Variants in EFCAB9 observed in about 807,000 individuals in gnomAD.
EFCAB9 encodes EF-hand calcium-binding domain-containing protein 9.
In EFCAB9, 16 loss-of-function variants were observed where a neutral mutation model predicts 15.6. The observed-to-expected ratio is 1.03, with a 90% confidence interval of 0.69 to 1.56. The LOEUF is 1.56. EFCAB9 is among the 40% of genes most tolerant of loss of function. EFCAB9 has a pLI of 0.00. For synonymous variants in EFCAB9, 76 were observed against 85.4 expected (o/e 0.89, Z 0.61); for missense variants, 208 against 235.4 (o/e 0.88, Z 0.76).
intron 3 of EFCAB9, among the ~76,000 whole-genome samples, chr5:172,202,376 G>A (rs990783310): frequency 8.6e-5 from 12 of 138,858 alleles, no homozygotes; most frequent in Admixed American, 5.8e-4. Flanking sequence ...GGCAAAAGCC[G>A]CAATTACTTT....
intron 2 of EFCAB9, 42 bp from the exon 3 acceptor site, chr5:172,200,524 C>T (rs796168373): frequency 1.5e-5 from 22 of 1,504,650 alleles, no homozygotes; most frequent in African/African-American, 1.1e-4. Context: ...AAAGCAGCAT[C>T]GACAACACTG....
intron 2 of EFCAB9, among the ~76,000 whole-genome samples, chr5:172,200,280 C>T (rs1413025684): frequency 6.6e-6 from 1 of 152,102 alleles, no homozygotes; most frequent in Non-Finnish European, 1.5e-5. Context: ...CATGATGTTT[C>T]ACAAGACTTT....
intron 1 of EFCAB9, among the ~76,000 whole-genome samples, chr5:172,194,696 G>A (rs1356929120): frequency 2.6e-5 from 4 of 152,116 alleles, no homozygotes; most frequent in Non-Finnish European, 4.4e-5. Context: ...ACCACACCCG[G>A]CCTGTTAGTA....
intron 2 of EFCAB9, among the ~76,000 whole-genome samples, chr5:172,200,296 A>C (rs949050044): frequency 6.6e-6 from 1 of 152,132 alleles, no homozygotes; most frequent in Admixed American, 6.6e-5. Context: ...ACTTTCACTG[A>C]AGGTAAGGAA....
At chr5:172,202,130 G>T (rs1771264152) in intron 3 of EFCAB9, among the ~76,000 whole-genome samples, 1 of 151,944 alleles carries the variant, frequency 6.6e-6, no homozygotes. Context: ...CACGAGGACA[G>T]GAGATCGAGA....
intron 1 of EFCAB9, among the ~76,000 whole-genome samples, chr5:172,195,613 CT>C (rs61606215): frequency 0.064 from 9,811 of 152,198 alleles, 1,021 homozygotes; most frequent in African/African-American, 0.22. Flanking sequence ...TTTAAGCTCC[CT>C]GGTAACCTCC....
intron 1 of EFCAB9, among the ~76,000 whole-genome samples, chr5:172,198,120 C>T (rs1180348467): frequency 6.6e-6 from 1 of 152,128 alleles, no homozygotes; most frequent in Non-Finnish European, 1.5e-5. Context: ...TCTCCAAGTC[C>T]CCACTCGACC....
At chr5:172,199,761 C>T (rs2113860088) in intron 2 of EFCAB9, among the ~76,000 whole-genome samples, 1 of 152,168 alleles carries the variant, frequency 6.6e-6, no homozygotes, top group South Asian at 2.1e-4. Flanking sequence ...CAGATGTGGC[C>T]CATCGCATCC....
chr5:172,199,913 T>C (rs1231243280), intron 2 of EFCAB9, among the ~76,000 whole-genome samples: 1 of 150,878 alleles, frequency 6.6e-6, no homozygotes, highest in African/African-American at 2.4e-5. Context: ...ACATTTCCAG[T>C]ATGTACTTAC....
At chr5:172,202,288 C>A (rs1771266555) in intron 3 of EFCAB9, among the ~76,000 whole-genome samples, 1 of 129,790 alleles carries the variant, frequency 7.7e-6, no homozygotes, top group African/African-American at 3.1e-5. Flanking sequence ...TTGCAGTGAG[C>A]CGAGATCATG....
intron 1 of EFCAB9, among the ~76,000 whole-genome samples, chr5:172,195,153 A>AAAATAAATAAAT (rs3028127): frequency 5.7e-4 from 82 of 145,086 alleles, no homozygotes; most frequent in African/African-American, 1.8e-3. Flanking sequence ...TGAATGACCA[A>AAAATAAATAAAT]AAATAAATAA....
chr5:172,196,950 C>A (rs1771174524), intron 1 of EFCAB9, among the ~76,000 whole-genome samples: 1 of 152,060 alleles, frequency 6.6e-6, no homozygotes, highest in Non-Finnish European at 1.5e-5. Context: ...CTTCCCAGTT[C>A]TTTAAAGAGT....
chr5:172,197,016 CA>C (rs1374598989), intron 1 of EFCAB9, among the ~76,000 whole-genome samples: 1 of 151,580 alleles, frequency 6.6e-6, no homozygotes, highest in Non-Finnish European at 1.5e-5. Context: ...AACTAATGCA[CA>C]AAAGATAGAG....
At chr5:172,195,685 G>A (rs1463777354) in intron 1 of EFCAB9, among the ~76,000 whole-genome samples, 1 of 152,260 alleles carries the variant, frequency 6.6e-6, no homozygotes, top group South Asian at 2.1e-4. Context: ...CAGAGGGACT[G>A]GAGAGTGACC....
chr5:172,196,636 AAAGTGTTGGGATTACAGGTGTG>A (rs1182241040), intron 1 of EFCAB9, among the ~76,000 whole-genome samples: 1 of 152,118 alleles, frequency 6.6e-6, no homozygotes, highest in African/African-American at 2.4e-5. Context: ...TCGGCCTCCC[AAAGTGTTGGGATTACAGGTGTG>A]ACCCACCGCA....
intron 3 of EFCAB9, among the ~76,000 whole-genome samples, chr5:172,202,332 CAAAAAAAAAA>C (rs10690291): frequency 6.8e-5 from 5 of 73,356 alleles, no homozygotes; most frequent in Non-Finnish European, 9.3e-5. Context: ...GACTTCATCT[CAAAAAAAAAA>C]AAAAAAAAAA....
At chr5:172,201,557 C>A (rs1451435054) in intron 3 of EFCAB9, among the ~76,000 whole-genome samples, 2 of 151,886 alleles carry the variant, frequency 1.3e-5, no homozygotes, top group Non-Finnish European at 2.9e-5. Flanking sequence ...AAAAAACAAA[C>A]AAACAAACAA....
intron 1 of EFCAB9, among the ~76,000 whole-genome samples, chr5:172,198,734 G>A (rs757896743): frequency 1.6e-4 from 24 of 152,056 alleles, no homozygotes; most frequent in Admixed American, 3.3e-4. Context: ...CTCTGCCTCA[G>A]CCTTCCAAGT....
intron 1 of EFCAB9, among the ~76,000 whole-genome samples, chr5:172,195,415 A>T (rs899997816): frequency 3.3e-5 from 5 of 152,350 alleles, no homozygotes; most frequent in African/African-American, 4.8e-5. Flanking sequence ...AAAAACAATT[A>T]AAAAAGAACA....
Sources: allele counts gnomAD v4.1 joint callset (sites outside exome capture counted in the v4.1 genomes callset), GRCh38; gene constraint gnomAD v4.1.1; transcripts MANE v1.5; gene names NCBI Gene and HGNC (gene_info 2026-07-23, HGNC 2026-07-21).